THSD7B: variants seen among roughly 807,000 people sequenced by gnomAD.
THSD7B encodes thrombospondin type-1 domain-containing protein 7B.
THSD7B carries 138 observed loss-of-function variants against 213.6 expected under a neutral mutation model. The ratio of observed to expected loss-of-function variants is 0.65; its 90% CI spans 0.56 to 0.74. The LOEUF is 0.74. Among genes scored for constraint, THSD7B ranks in the 30% least tolerant of loss-of-function variants. The probability of loss-of-function intolerance (pLI) is 0.00; values close to 1 mark genes in which losing one functional copy is unlikely to be tolerated. For synonymous variants in THSD7B, 742 were observed against 687.0 expected (o/e 1.08, Z -1.25); for missense variants, 1,931 against 1,991.5 (o/e 0.97, Z 0.58).
At chr2:137,439,785 T>C (rs747088313) in intron 14 of THSD7B, among the ~76,000 whole-genome samples, 1 of 152,106 alleles carries the variant, frequency 6.6e-6, no homozygotes, top group Non-Finnish European at 1.5e-5. Flanking sequence ...CTTTTCGAGG[T>C]ACATTTTTTT....
intron 1 of THSD7B, among the ~76,000 whole-genome samples, chr2:136,870,041 C>T (rs995813013): frequency 1.2e-4 from 16 of 130,442 alleles, no homozygotes; most frequent in East Asian, 9.3e-4. Flanking sequence ...CACTGCACTC[C>T]GGGCTGGGCG....
At chr2:137,628,655 T>G (rs1389753587) in intron 20 of THSD7B, among the ~76,000 whole-genome samples, 1 of 152,214 alleles carries the variant, frequency 6.6e-6, no homozygotes, top group Non-Finnish European at 1.5e-5. Context: ...ACTACAGTGT[T>G]GTCCTCAAGG....
chr2:137,519,075 A>G (rs929647791), intron 15 of THSD7B, among the ~76,000 whole-genome samples: 7 of 152,094 alleles, frequency 4.6e-5, no homozygotes, highest in Non-Finnish European at 7.4e-5. Flanking sequence ...GTGAAACCCC[A>G]TCTCTACTAA....
chr2:137,112,062 G>A (rs924609803), intron 4 of THSD7B, among the ~76,000 whole-genome samples: 14 of 152,090 alleles, frequency 9.2e-5, no homozygotes, highest in African/African-American at 3.1e-4. Flanking sequence ...GAGGACTATC[G>A]CTGTAACAAC....
At chr2:137,639,204 CCT>C (rs1682891699) in intron 20 of THSD7B, among the ~76,000 whole-genome samples, 1 of 152,098 alleles carries the variant, frequency 6.6e-6, no homozygotes, top group Admixed American at 6.5e-5. Context: ...GACTTGGTGC[CCT>C]GTGTCCCAGC....
chr2:137,282,823 T>G (rs1383220409), intron 12 of THSD7B, among the ~76,000 whole-genome samples: 1 of 152,230 alleles, frequency 6.6e-6, no homozygotes, highest in African/African-American at 2.4e-5. Flanking sequence ...TAGTATAGTT[T>G]GAAGTCAGGT....
chr2:137,294,828 G>A (rs1048944306), intron 12 of THSD7B, among the ~76,000 whole-genome samples: 3 of 152,054 alleles, frequency 2.0e-5, no homozygotes, highest in Admixed American at 2.0e-4. Flanking sequence ...TGGGTAAGAG[G>A]AGACTGGTAT....
chr2:137,421,835 A>T (rs1238940475), intron 14 of THSD7B, among the ~76,000 whole-genome samples: 1 of 152,222 alleles, frequency 6.6e-6, no homozygotes, highest in Non-Finnish European at 1.5e-5. Flanking sequence ...AAAAGATTGT[A>T]TCAAGGACTA....
intron 15 of THSD7B, among the ~76,000 whole-genome samples, chr2:137,543,000 T>G (rs13389380): frequency 0.25 from 37,344 of 151,614 alleles, 4,783 homozygotes; most frequent in South Asian, 0.3. Flanking sequence ...AAAACGGATC[T>G]CACAGAGCTA....
rs539302441 is a variant in THSD7B at position 137,145,724 on chromosome 2, G to T, written c.1370-14489G>T. On this transcript the variant is annotated intron_variant, in intron 5 of 27. Transcript: ENST00000409968. ...AGGTATAAATGCTAAAAAAAAGATT[G>T]CTGCACCTGTAGTTTTTCATATGTT... Among the ~76,000 whole-genome samples, 6 of 152,068 alleles carry T rather than the reference G, an allele frequency of 3.9e-5. No individual in the cohort carries two copies. The East Asian group carries it at 7.7e-4, about 20-fold the overall frequency.
At chr2:137,602,529 A>G (rs13385956) in intron 17 of THSD7B, among the ~76,000 whole-genome samples, 33,519 of 151,862 alleles carry the variant, frequency 0.22, 4,268 homozygotes, top group African/African-American at 0.34. Context: ...TCGCCTCCCA[A>G]AGTGCTGGGA....
At chr2:136,896,765 C>T (rs1683966627) in intron 2 of THSD7B, among the ~76,000 whole-genome samples, 1 of 152,016 alleles carries the variant, frequency 6.6e-6, no homozygotes, top group Admixed American at 6.6e-5. Context: ...TGTGGCTATT[C>T]AATTGTGCTA....
At chr2:137,134,490 G>A (rs1346113277) in intron 5 of THSD7B, among the ~76,000 whole-genome samples, 3 of 152,148 alleles carry the variant, frequency 2.0e-5, no homozygotes, top group African/African-American at 7.2e-5. Context: ...TGGAGCAGCA[G>A]TCCAGAGGAT....
At chr2:137,317,705 A>G (rs561674493) in intron 12 of THSD7B, among the ~76,000 whole-genome samples, 1 of 152,266 alleles carries the variant, frequency 6.6e-6, no homozygotes, top group East Asian at 1.9e-4. Flanking sequence ...TCTTGAGGTC[A>G]GGAGTTTGAG....
chr2:136,825,447 C>T (rs1047094710), intron 1 of THSD7B, among the ~76,000 whole-genome samples: 1 of 152,132 alleles, frequency 6.6e-6, no homozygotes, highest in Non-Finnish European at 1.5e-5. Flanking sequence ...CGTTCCTTGG[C>T]TTATGGTCCC....
chr2:137,402,722 A>C (rs1156427171), intron 12 of THSD7B, among the ~76,000 whole-genome samples: 1 of 150,696 alleles, frequency 6.6e-6, no homozygotes, highest in East Asian at 2.0e-4. Context: ...AGGCTGAGGC[A>C]TGAGAATTGC....
At chr2:137,191,346 G>A (rs931129529) in intron 7 of THSD7B, among the ~76,000 whole-genome samples, 1 of 152,024 alleles carries the variant, frequency 6.6e-6, no homozygotes, top group East Asian at 1.9e-4. Context: ...TTTCAAAATT[G>A]TATGTAAATC....
At chr2:137,446,405 C>G (rs945073017) in intron 14 of THSD7B, among the ~76,000 whole-genome samples, 2 of 151,988 alleles carry the variant, frequency 1.3e-5, no homozygotes, top group African/African-American at 4.8e-5. Context: ...CTGAAAAGTC[C>G]TTTCATTCCA....
At chr2:136,932,913 A>G (rs985273084) in intron 2 of THSD7B, among the ~76,000 whole-genome samples, 1 of 152,132 alleles carries the variant, frequency 6.6e-6, no homozygotes, top group Admixed American at 6.5e-5. Context: ...AGGAGGAGGT[A>G]ATGTTCCAGA....
Sources: allele counts gnomAD v4.1 joint callset (sites outside exome capture counted in the v4.1 genomes callset), GRCh38; gene constraint gnomAD v4.1.1; transcripts MANE v1.5; gene names NCBI Gene and HGNC (gene_info 2026-07-23, HGNC 2026-07-21).